The following MITF variants were observed in gnomAD, a reference collection of about 807,000 sequenced individuals.
MITF encodes the protein microphthalmia-associated transcription factor.
A neutral mutation model predicts 60.5 loss-of-function variants in MITF; 17 were observed. The ratio of observed to expected loss-of-function variants is 0.28; its 90% confidence interval spans 0.19 to 0.42. The LOEUF (loss-of-function observed/expected upper bound fraction) is 0.42, where lower values mean the gene tolerates loss of function less well. Among genes scored for constraint, MITF ranks in the 10% least tolerant of loss-of-function variants. The pLI is 1.00. For synonymous variants in MITF, 260 were observed against 248.5 expected (o/e 1.05, Z -0.43); for missense variants, 622 against 683.5 (o/e 0.91, Z 1.00).
At chr3:69,873,058 C>A (rs147546353) in intron 1 of MITF, among the ~76,000 whole-genome samples, 1 of 152,072 alleles carries the variant, frequency 6.6e-6, no homozygotes, top group East Asian at 1.9e-4. Flanking sequence ...TCATGTTACC[C>A]CCAAAAAGGT....
chr3:69,950,448 TTATATATATA>T (rs10604038), intron 6 of MITF, among the ~76,000 whole-genome samples: 15 of 130,792 alleles, frequency 1.1e-4, no homozygotes, highest in Admixed American at 2.3e-4. Context: ...AACTTCTGAG[TTATATATATA>T]TATATATATA....
chr3:69,882,253 T>A (rs78089721), intron 2 of MITF, among the ~76,000 whole-genome samples: 2,077 of 152,262 alleles, frequency 0.014, 51 homozygotes, highest in African/African-American at 0.047. Flanking sequence ...TTCCTCAACG[T>A]ATAGTCATTG....
chr3:69,938,276 T>A (rs1427929736), intron 3 of MITF: 1 of 1,316,446 alleles, frequency 7.6e-7, no homozygotes, highest in Middle Eastern at 1.8e-4. Context: ...CCAAGTGAAA[T>A]GTGGAGGCGA....
intron 1 of MITF, among the ~76,000 whole-genome samples, chr3:69,874,439 T>C (rs1459624573): frequency 6.6e-6 from 1 of 152,254 alleles, no homozygotes; most frequent in Non-Finnish European, 1.5e-5. Flanking sequence ...ATTTTTGAAC[T>C]GTATTCCAGT....
At chr3:69,888,202 C>A (rs2064669796) in intron 2 of MITF, among the ~76,000 whole-genome samples, 1 of 151,900 alleles carries the variant, frequency 6.6e-6, no homozygotes, top group Non-Finnish European at 1.5e-5. Flanking sequence ...TTTTGTTGAG[C>A]CTTAATTGGA....
At position 69,879,157 on chromosome 3, in the gene MITF, C is replaced by A; in HGVS notation, c.128C>A (p.Ala43Asp). 6.2e-7 allele frequency: 1 copy of A among 1,614,212 alleles called. No homozygotes were observed. Residue 43 changes from alanine to aspartate, a missense_variant, in exon 2 of 10, where the codon GCC becomes GAC. Transcript: ENST00000352241. ...AGCAGTTCCGCCGAGCATCCTGGGG[C>A]CTCCAAGCCTCCGATAAGCTCCTCC... is the stretch of plus-strand genomic sequence containing the variant. The part of the protein sequence containing the change: ...KSSSSAEHPG[A>D]SKPPISSSSM...
chr3:69,859,741 A>T (rs1263580046), intron 1 of MITF, among the ~76,000 whole-genome samples: 2 of 152,188 alleles, frequency 1.3e-5, no homozygotes, highest in African/African-American at 4.8e-5. Context: ...ATAGGCAGAG[A>T]CATTCATATT....
At chr3:69,951,093 CTTTT>C (rs527693480) in intron 6 of MITF, among the ~76,000 whole-genome samples, 3 of 108,954 alleles carry the variant, frequency 2.8e-5, no homozygotes, top group Admixed American at 1.0e-4. Flanking sequence ...AATTTGGCAG[CTTTT>C]TTTTTTTTTT....
chr3:69,808,769 C>G (rs2106984935), intron 1 of MITF, among the ~76,000 whole-genome samples: 1 of 152,162 alleles, frequency 6.6e-6, no homozygotes, highest in Non-Finnish European at 1.5e-5. Context: ...GATCTTTACC[C>G]TAACTGCCAT....
intron 2 of MITF, among the ~76,000 whole-genome samples, chr3:69,905,872 T>C (rs956527994): frequency 6.6e-6 from 1 of 152,172 alleles, no homozygotes; most frequent in Non-Finnish European, 1.5e-5. Context: ...GAGTTCTTTA[T>C]TTGTTCTGGA....
At chr3:69,806,809 A>C (rs1267834954) in intron 1 of MITF, among the ~76,000 whole-genome samples, 1 of 152,178 alleles carries the variant, frequency 6.6e-6, no homozygotes, top group Admixed American at 6.6e-5. Flanking sequence ...TCTGATAAAG[A>C]TTGAGCTGTT....
At chr3:69,761,893 T>A (rs955316364) in intron 1 of MITF, among the ~76,000 whole-genome samples, 1 of 152,264 alleles carries the variant, frequency 6.6e-6, no homozygotes, top group Non-Finnish European at 1.5e-5. Context: ...TACATACCCA[T>A]CCTTGTGTTC....
Position 69,966,185 on chromosome 3 carries a change from A to T in MITF, c.*937A>T. The T allele has an allele frequency of 4.3e-6, 1 of 232,518 alleles. No individual in the cohort carries two copies. The highest frequency in any genetic ancestry group is 8.5e-6 in the Non-Finnish European group (1 of 117,426). The allele number at this position is 232,518 out of a possible 1,614,324, so 14.4% of individuals were successfully genotyped here. On this transcript the variant is annotated 3_prime_UTR_variant, in exon 10 of 10. Coordinates refer to ENST00000352241, the MANE Select transcript of MITF (RefSeq NM_001354604.2). ...TTCATTTGATTTGTACAGATTCTTT[A>T]TTATCATTGTTCTTTTCAATATATT...
intron 2 of MITF, among the ~76,000 whole-genome samples, chr3:69,899,662 TGCCTTG>T (rs899338180): frequency 6.6e-6 from 1 of 152,162 alleles, no homozygotes; most frequent in African/African-American, 2.4e-5. Flanking sequence ...AACTTATGCC[TGCCTTG>T]GCAGAAGAAC....
chr3:69,907,944 G>T (rs918420502), intron 2 of MITF, among the ~76,000 whole-genome samples: 2 of 152,148 alleles, frequency 1.3e-5, no homozygotes, highest in African/African-American at 4.8e-5. Flanking sequence ...TTTTTTGAAA[G>T]GAAGAGGAAA....
intron 1 of MITF, chr3:69,752,359 A>G (rs1269786781): frequency 6.6e-6 from 1 of 152,176 alleles, no homozygotes; most frequent in Non-Finnish European, 1.5e-5. Context: ...TTTCCTAGAG[A>G]CTGATTAAAT....
At chr3:69,947,883 C>T (rs1034718212) in intron 5 of MITF, among the ~76,000 whole-genome samples, 3 of 152,046 alleles carry the variant, frequency 2.0e-5, no homozygotes, top group Admixed American at 1.3e-4. Flanking sequence ...GAAGCACATT[C>T]GACTTGTATT....
chr3:69,741,211 A>C (rs1478977187), intron 1 of MITF, among the ~76,000 whole-genome samples: 1 of 152,014 alleles, frequency 6.6e-6, no homozygotes, highest in African/African-American at 2.4e-5. Flanking sequence ...GTTTTGAGTA[A>C]TATTGTGTGA....
chr3:69,884,749 C>T (rs1307877521), intron 2 of MITF, among the ~76,000 whole-genome samples: 2 of 152,160 alleles, frequency 1.3e-5, no homozygotes, highest in African/African-American at 4.8e-5. Context: ...CTTTTGGATT[C>T]ATGTTGGACT....
Sources: allele counts gnomAD v4.1 joint callset (sites outside exome capture counted in the v4.1 genomes callset), GRCh38; gene constraint gnomAD v4.1.1; transcripts MANE v1.5; gene names NCBI Gene and HGNC (gene_info 2026-07-23, HGNC 2026-07-21).